The following SLC67A1 variants were observed in gnomAD, a reference collection of about 807,000 sequenced individuals.
The protein encoded by SLC67A1 is solute carrier family 67 member A1.
chr11:2,916,695 G>A, the SLC67A1 span: 447 of 1,613,100 alleles, frequency 2.8e-4, no homozygotes, highest in African/African-American at 4.8e-3. Context: ...CTGCATCCCC[G>A]CCAGCACCAA....
the SLC67A1 span, chr11:2,925,196 G>A: frequency 6.2e-7 from 1 of 1,612,596 alleles, no homozygotes; most frequent in Non-Finnish European, 8.5e-7. This position sits in a 1 kb window ranked among gnomAD's most constrained non-coding sequence, Gnocchi z 6.5. Flanking sequence ...AAAGTCCGGT[G>A]ACCGCTGCCC....
chr11:2,917,911 G>A, the SLC67A1 span: 2 of 1,175,372 alleles, frequency 1.7e-6, no homozygotes, highest in Non-Finnish European at 2.4e-6. Context: ...CCCTCCGAAT[G>A]GCGAGGCCTG....
chr11:2,915,417 CCCCT>C, the SLC67A1 span, among the ~76,000 whole-genome samples: 4 of 152,144 alleles, frequency 2.6e-5, no homozygotes, highest in African/African-American at 9.7e-5. Flanking sequence ...AGGACCCTGA[CCCCT>C]ACTGGGTGCC....
At chr11:2,922,494 T>A in the SLC67A1 span, 1 of 1,612,826 alleles carries the variant, frequency 6.2e-7, no homozygotes, top group African/African-American at 1.3e-5. Context: ...GTGTTCAGCC[T>A]CTGCACCCTC....
chr11:2,902,761 C>G, the SLC67A1 span: 2 of 984,710 alleles, frequency 2.0e-6, no homozygotes, highest in Non-Finnish European at 2.4e-6. Flanking sequence ...TGAGCTATGT[C>G]TCCCCTACGC....
At chr11:2,913,029 G>C in the SLC67A1 span, among the ~76,000 whole-genome samples, 1 of 152,164 alleles carries the variant, frequency 6.6e-6, no homozygotes, top group Non-Finnish European at 1.5e-5. Flanking sequence ...TGTCCCATAC[G>C]ACCCAGGGCA....
At chr11:2,903,620 T>C in the SLC67A1 span, 1 of 949,540 alleles carries the variant, frequency 1.1e-6, no homozygotes. Flanking sequence ...CAGTTGGGAC[T>C]CATGCCACGC....
At chr11:2,906,397 C>T in the SLC67A1 span, among the ~76,000 whole-genome samples, 1 of 152,134 alleles carries the variant, frequency 6.6e-6, no homozygotes, top group East Asian at 1.9e-4. Flanking sequence ...ATAAATCATG[C>T]TACTATAAAG....
At chr11:2,908,902 G>GCCCACCCTTTGGT in the SLC67A1 span, among the ~76,000 whole-genome samples, 1 of 152,156 alleles carries the variant, frequency 6.6e-6, no homozygotes, top group Non-Finnish European at 1.5e-5. Context: ...TAAAACGCGG[G>GCCCACCCTTTGGT]CCCACCCTTT....
chr11:2,905,194 G>T, the SLC67A1 span, among the ~76,000 whole-genome samples: 1 of 152,220 alleles, frequency 6.6e-6, no homozygotes, highest in Non-Finnish European at 1.5e-5. Flanking sequence ...CATGGAGACG[G>T]TCATGGGCTG....
chr11:2,916,836 G>A, the SLC67A1 span: 6 of 975,994 alleles, frequency 6.1e-6, no homozygotes, highest in Admixed American at 3.7e-5. Context: ...GGGGGCCTGA[G>A]GGGAAATCTG....
At chr11:2,899,761 G>T in the SLC67A1 span, 2 of 1,430,380 alleles carry the variant, frequency 1.4e-6, no homozygotes, top group Admixed American at 2.8e-5. Flanking sequence ...TGCTCAACCA[G>T]TTCCCTGGCT....
At chr11:2,909,446 C>A in the SLC67A1 span, 34 of 1,335,496 alleles carry the variant, frequency 2.5e-5, no homozygotes, top group African/African-American at 5.2e-4. Flanking sequence ...TCTGCGTGCG[C>A]GCGGGGTCTG....
the SLC67A1 span, chr11:2,908,206 T>TCC: frequency 2.2e-6 from 3 of 1,388,434 alleles, no homozygotes; most frequent in East Asian, 8.9e-5. Context: ...TCCCAGCCCC[T>TCC]CCCCCGGGCT....
At chr11:2,903,264 CG>C in the SLC67A1 span, 3 of 1,562,158 alleles carry the variant, frequency 1.9e-6, no homozygotes, top group Non-Finnish European at 2.6e-6. Context: ...CACCCCTGCC[CG>C]GATCAACTGG....
At chr11:2,913,197 C>A in the SLC67A1 span, among the ~76,000 whole-genome samples, 2 of 152,182 alleles carry the variant, frequency 1.3e-5, no homozygotes, top group African/African-American at 4.8e-5. Flanking sequence ...CCGCCGCCCC[C>A]CCAGCCAGGT....
At chr11:2,914,933 G>A in the SLC67A1 span, 2,203 of 985,390 alleles carry the variant, frequency 2.2e-3, 2 homozygotes, top group Middle Eastern at 6.8e-3. Context: ...TGTGGCGCCC[G>A]AGCCCAGCCG....
chr11:2,903,471 G>A, the SLC67A1 span: 2 of 1,613,296 alleles, frequency 1.2e-6, no homozygotes, highest in Non-Finnish European at 8.5e-7. Context: ...GCCTCTTCAT[G>A]CAGTTCTCCA....
chr11:2,919,273 G>A, the SLC67A1 span: 1 of 1,511,874 alleles, frequency 6.6e-7, no homozygotes, highest in Non-Finnish European at 9.2e-7. Flanking sequence ...CGGGGTGTGG[G>A]GGTACTCACC....
Sources: allele counts gnomAD v4.1 joint callset (sites outside exome capture counted in the v4.1 genomes callset), GRCh38; gene constraint gnomAD v4.1.1; non-coding constraint Gnocchi (gnomAD v3.1); transcripts MANE v1.5; gene names NCBI Gene and HGNC (gene_info 2026-07-23, HGNC 2026-07-21).